The following XKR9 variants were observed in gnomAD, a reference collection of about 807,000 sequenced individuals.
The protein encoded by XKR9 is XK related 9.
In XKR9, 32 loss-of-function variants were observed where a neutral mutation model predicts 32.0. The ratio of observed to expected loss-of-function variants is 1.00; its 90% CI spans 0.76 to 1.34. The LOEUF is 1.34. Among genes scored for constraint, XKR9 ranks in the 40% most tolerant of loss-of-function variants. XKR9 has a pLI of 0.00. For missense variants in XKR9, 546 were observed against 429.7 expected, an observed-to-expected ratio of 1.27 and a Z score of -2.39; for synonymous variants, 168 against 143.4, an observed-to-expected ratio of 1.17 and a Z score of -1.22.
At chr8:70,966,092 C>G in the XKR9 span, among the ~76,000 whole-genome samples, 1 of 152,004 alleles carries the variant, frequency 6.6e-6, no homozygotes, top group Non-Finnish European at 1.5e-5. Context: ...TTAGCTGTAT[C>G]CCAGAGGTTC....
chr8:70,880,906 C>T, the XKR9 span, among the ~76,000 whole-genome samples: 1 of 152,182 alleles, frequency 6.6e-6, no homozygotes, highest in Admixed American at 6.6e-5. Flanking sequence ...CAGCATGGTA[C>T]TGGTACCAAA....
At chr8:70,825,793 T>G in the XKR9 span, among the ~76,000 whole-genome samples, 1 of 152,092 alleles carries the variant, frequency 6.6e-6, no homozygotes, top group Admixed American at 6.6e-5. Context: ...CTTTGAAAAT[T>G]GATCATTCAT....
the XKR9 span, among the ~76,000 whole-genome samples, chr8:70,994,333 C>T: frequency 2.0e-5 from 3 of 151,104 alleles, no homozygotes; most frequent in African/African-American, 7.3e-5. Context: ...CCTGAGAAAG[C>T]TTTTTTTTTC....
chr8:70,699,098 T>A (rs1435038590), intron 3 of XKR9, among the ~76,000 whole-genome samples: 4 of 152,194 alleles, frequency 2.6e-5, no homozygotes, highest in African/African-American at 7.2e-5. Flanking sequence ...GAGATGGGTT[T>A]CCTGAATACA....
At chr8:70,970,360 G>A in the XKR9 span, among the ~76,000 whole-genome samples, 3 of 151,932 alleles carry the variant, frequency 2.0e-5, no homozygotes, top group African/African-American at 7.3e-5. Flanking sequence ...TGGTACATGT[G>A]CAGAAGGTGC....
chr8:70,780,106 T>C (rs933959257), intron 2 of XKR9, among the ~76,000 whole-genome samples: 2 of 151,618 alleles, frequency 1.3e-5, no homozygotes, highest in African/African-American at 4.8e-5. Flanking sequence ...TATAGAGATA[T>C]TTCTTCTTTT....
chr8:70,749,828 A>G (rs991965433), intron 2 of XKR9, among the ~76,000 whole-genome samples: 1 of 152,230 alleles, frequency 6.6e-6, no homozygotes, highest in African/African-American at 2.4e-5. Flanking sequence ...CTATAAGACA[A>G]GTAGGTTTAA....
chr8:70,933,121 A>T, the XKR9 span, among the ~76,000 whole-genome samples: 1 of 152,082 alleles, frequency 6.6e-6, no homozygotes, highest in African/African-American at 2.4e-5. Context: ...TTGAGTGAGG[A>T]TACTGTAAAG....
At chr8:70,823,486 A>T in the XKR9 span, among the ~76,000 whole-genome samples, 1 of 152,174 alleles carries the variant, frequency 6.6e-6, no homozygotes, top group African/African-American at 2.4e-5. Context: ...AAACATTTAT[A>T]TTGCTGCTCT....
chr8:71,004,434 A>G, the XKR9 span, among the ~76,000 whole-genome samples: 4 of 152,332 alleles, frequency 2.6e-5, no homozygotes, highest in South Asian at 8.3e-4. Context: ...GGATATAAAG[A>G]TGACTAAAAT....
chr8:71,034,537 C>T, the XKR9 span, among the ~76,000 whole-genome samples: 197 of 152,280 alleles, frequency 1.3e-3, 2 homozygotes, highest in East Asian at 0.033. Context: ...TGCTTGGAGT[C>T]CTGAATTGTC....
intron 2 of XKR9, among the ~76,000 whole-genome samples, chr8:70,780,288 T>G (rs966384369): frequency 1.3e-5 from 2 of 152,046 alleles, no homozygotes; most frequent in Admixed American, 1.3e-4. Flanking sequence ...TAATTTGCCC[T>G]TCTTTTCCTA....
chr8:70,861,444 A>G, the XKR9 span, among the ~76,000 whole-genome samples: 1 of 151,964 alleles, frequency 6.6e-6, no homozygotes, highest in Non-Finnish European at 1.5e-5. Context: ...TGAAACCAGG[A>G]AGTTCAGATC....
chr8:70,670,154 C>T (rs185668416), intron 1 of XKR9, among the ~76,000 whole-genome samples: 9 of 152,242 alleles, frequency 5.9e-5, no homozygotes, highest in Admixed American at 5.2e-4. Context: ...ACAGAGTCTG[C>T]GTGTGCGGCC....
chr8:70,841,443 A>G, the XKR9 span, among the ~76,000 whole-genome samples: 1 of 152,202 alleles, frequency 6.6e-6, no homozygotes, highest in Admixed American at 6.5e-5. Flanking sequence ...TCAAACTTGC[A>G]TAAAAATTGC....
chr8:70,938,594 G>T, the XKR9 span, among the ~76,000 whole-genome samples: 1 of 152,014 alleles, frequency 6.6e-6, no homozygotes, highest in East Asian at 1.9e-4. Flanking sequence ...TATGACCATT[G>T]CTTTGAGATA....
At chr8:71,011,454 T>G in the XKR9 span, among the ~76,000 whole-genome samples, 1 of 152,244 alleles carries the variant, frequency 6.6e-6, no homozygotes, top group South Asian at 2.1e-4. Flanking sequence ...GACTCTTGGT[T>G]ATTTCATTCT....
At chr8:70,945,013 T>A in the XKR9 span, among the ~76,000 whole-genome samples, 1 of 152,094 alleles carries the variant, frequency 6.6e-6, no homozygotes. Flanking sequence ...GACAAAAAAA[T>A]GCCACAAGAG....
chr8:70,924,513 A>G, the XKR9 span, among the ~76,000 whole-genome samples: 5 of 152,186 alleles, frequency 3.3e-5, no homozygotes, highest in Admixed American at 2.6e-4. Flanking sequence ...ATCTTCTTCC[A>G]TACTACTGAG....
Sources: allele counts gnomAD v4.1 joint callset (sites outside exome capture counted in the v4.1 genomes callset), GRCh38; gene constraint gnomAD v4.1.1; transcripts MANE v1.5; gene names NCBI Gene and HGNC (gene_info 2026-07-23, HGNC 2026-07-21).